The following SHANK2 variants were observed in gnomAD, a reference collection of about 807,000 sequenced individuals.
SHANK2 encodes the protein SH3 and multiple ankyrin repeat domains protein 2.
Under a neutral mutation model 133.7 loss-of-function variants are expected in SHANK2, and 43 were observed. That is an observed-to-expected ratio of 0.32 (90% CI 0.25 to 0.41). SHANK2 has a LOEUF of 0.41. Among genes scored for constraint, SHANK2 ranks in the 10% least tolerant of loss-of-function variants. SHANK2 has a pLI of 1.00. For missense variants in SHANK2, 1,994 were observed against 2,235.8 expected (o/e 0.89, Z 2.18); for synonymous variants, 1,017 against 952.8 (o/e 1.07, Z -1.24).
intron 4 of SHANK2, among the ~76,000 whole-genome samples, chr11:71,118,450 C>T (rs142873531): frequency 0.021 from 3,255 of 152,254 alleles, 40 homozygotes; most frequent in African/African-American, 0.036. Context: ...GCACCTTCTT[C>T]ACAAGGCAGC....
chr11:70,919,959 A>C (rs577813151), intron 10 of SHANK2, among the ~76,000 whole-genome samples: 1 of 152,272 alleles, frequency 6.6e-6, no homozygotes, highest in South Asian at 2.1e-4. Context: ...GCAGCTTCCA[A>C]AGCTGCAGAG....
chr11:70,748,356 T>C (rs1369725542), intron 14 of SHANK2, among the ~76,000 whole-genome samples: 1 of 151,796 alleles, frequency 6.6e-6, no homozygotes, highest in East Asian at 1.9e-4. Flanking sequence ...TTGGCAAGAG[T>C]GAGGAAGTCA....
At chr11:70,763,741 T>C (rs1363938591) in intron 14 of SHANK2, among the ~76,000 whole-genome samples, 4 of 152,070 alleles carry the variant, frequency 2.6e-5, no homozygotes, top group Admixed American at 6.5e-5. Context: ...CAGAATGCAT[T>C]TGACAGGAGG....
At chr11:70,903,835 C>T (rs533565733) in intron 10 of SHANK2, among the ~76,000 whole-genome samples, 11 of 152,198 alleles carry the variant, frequency 7.2e-5, no homozygotes, top group Non-Finnish European at 1.6e-4. Flanking sequence ...AGATGCAAAG[C>T]CCCGCAAAGC....
At position 70,542,880 on chromosome 11, in the gene SHANK2, G is replaced by A. The variant is rs191396279; in HGVS notation, c.2062-39949C>T. ...GAAGAGAGGCAGGAAATGTTCCCAG[G>A]GGATTTCTCTAGTATCTCAAGGGCT... On this transcript the variant is annotated intron_variant, in intron 17 of 25. Transcript: ENST00000601538. Among the ~76,000 whole-genome samples, 118 of 152,306 alleles carry A rather than the reference G, an allele frequency of 7.7e-4. 2 individuals are homozygous for A. The highest frequency in any genetic ancestry group is 2.7e-3 in the Admixed American group (41 of 15,302).
chr11:70,572,254 G>C (rs2060054876), intron 17 of SHANK2, among the ~76,000 whole-genome samples: 1 of 152,212 alleles, frequency 6.6e-6, no homozygotes, highest in Admixed American at 6.5e-5. Flanking sequence ...CCACCTCCCA[G>C]GTTCAAGGGA....
intron 10 of SHANK2, among the ~76,000 whole-genome samples, chr11:70,934,542 G>A (rs921516787): frequency 6.6e-6 from 1 of 152,194 alleles, no homozygotes; most frequent in African/African-American, 2.4e-5. Flanking sequence ...TCCCCAGGAA[G>A]GCCACTGGGT....
rs554544174 is a variant in SHANK2 at position 70,547,329 on chromosome 11, C to T, written c.2062-44398G>A. The stretch of plus-strand genomic sequence containing the variant: ...AGGCTGGAGTGCAGTGGTACAATAT[C>T]GGCTCACTGCAACCTCCACCTCTTG... On this transcript the variant is annotated intron_variant, in intron 17 of 25. Transcript: ENST00000601538. 3.0e-4 allele frequency among the ~76,000 whole-genome samples: 46 copies of T among 152,222 alleles called. No homozygotes were observed. The South Asian group carries it at 7.9e-3, about 26-fold the overall frequency.
At chr11:71,233,886 A>C (rs1954785795) in intron 1 of SHANK2, among the ~76,000 whole-genome samples, 1 of 151,854 alleles carries the variant, frequency 6.6e-6, no homozygotes, top group Admixed American at 6.6e-5. Flanking sequence ...ATCTCTACTA[A>C]AAGTACAAAA....
At chr11:70,514,962 C>T (rs1554969753) in intron 17 of SHANK2, among the ~76,000 whole-genome samples, 1 of 152,198 alleles carries the variant, frequency 6.6e-6, no homozygotes, top group African/African-American at 2.4e-5. Context: ...TGTCCGTACA[C>T]TTTCAATACA....
Position 70,502,789 on chromosome 11 carries a change from C to A in SHANK2, c.2197+7G>T. ...CAGGCTGGAGCTGGGCGATGTGGGG[C>A]ATGTACCTTTCTTCCTGGCGGTGTC... On this transcript the variant is annotated splice_region_variant and intron_variant, in intron 18 of 25. Coordinates refer to ENST00000601538, the MANE Select transcript of SHANK2 (RefSeq NM_012309.5). 1 of 1,255,284 alleles carries A rather than the reference C, an allele frequency of 8.0e-7. No individual in the cohort carries two copies. Among genetic ancestry groups the A allele is most frequent in the East Asian group, 5.1e-5 (1 of 19,686 alleles). 77.8% of individuals were successfully genotyped at this position (1,255,284 alleles called of 1,614,324 possible). A position where few individuals can be genotyped will look rare whatever the true frequency, so the allele number is the denominator to read the frequency against.
chr11:70,936,034 C>T (rs987895289), intron 10 of SHANK2, among the ~76,000 whole-genome samples: 6 of 152,170 alleles, frequency 3.9e-5, no homozygotes, highest in Non-Finnish European at 5.9e-5. Context: ...AGGTCTCACA[C>T]GGATTGAAAT....
In SHANK2 at chr11:70,469,746, A is replaced by G. The variant is rs1403647543; in HGVS notation, c.*3123T>C. The G allele has an allele frequency of 2.6e-4, 39 of 152,666 alleles. No homozygotes were observed. Among genetic ancestry groups the G allele is most frequent in the Admixed American group, 2.5e-3 (38 of 15,284 alleles). 9.5% of individuals were successfully genotyped at this position (152,666 alleles called of 1,614,324 possible). A position where few individuals can be genotyped will look rare whatever the true frequency, so the allele number is the denominator to read the frequency against. On this transcript the variant is annotated 3_prime_UTR_variant, in exon 26 of 26. Transcript: ENST00000601538. ...TGCTTGTTCAATAACTGAGAAAAAA[A>G]TTTACCATTTTATTAACTAAAGTAT... is the stretch of plus-strand genomic sequence containing the variant.
intron 6 of SHANK2, among the ~76,000 whole-genome samples, chr11:71,098,438 C>T (rs1000154817): frequency 6.6e-6 from 1 of 152,186 alleles, no homozygotes; most frequent in African/African-American, 2.4e-5. Flanking sequence ...AAACCCAGCT[C>T]TTTCCCTGAA....
At chr11:71,138,037 C>A (rs1197044009) in intron 3 of SHANK2, among the ~76,000 whole-genome samples, 1 of 150,402 alleles carries the variant, frequency 6.6e-6, no homozygotes, top group Non-Finnish European at 1.5e-5. Flanking sequence ...ACTCCTGCAC[C>A]AGCCGCCCAG....
At position 70,598,172 on chromosome 11, in the gene SHANK2, G is replaced by A. The variant is rs142296133; in HGVS notation, c.2061+61656C>T. ...TCCCATAGAGGGGCAGATGGAGCCC[G>A]TTTGCAGCTGCAGGCGATGGGGCGG... On this transcript the variant is annotated intron_variant, in intron 17 of 25. Transcript: ENST00000601538. Among the ~76,000 whole-genome samples, 24 of 152,290 alleles carry A rather than the reference G, an allele frequency of 1.6e-4. No homozygotes were observed. In the East Asian group the frequency reaches 4.1e-3, roughly 26 times the overall value.
rs1480632773 is a variant in SHANK2, at chr11:70,606,774, G to A, written c.2061+53054C>T. ...ACCGTCTGCTCCTTGGGCCTCAGGC[G>A]CTTCTGCAGTCCTGATTCCTGTTAC... is the stretch of plus-strand genomic sequence containing the variant. On this transcript the variant is annotated intron_variant, in intron 17 of 25. Coordinates refer to ENST00000601538, the MANE Select transcript of SHANK2 (RefSeq NM_012309.5). 2.6e-5 allele frequency among the ~76,000 whole-genome samples: 4 copies of A among 152,274 alleles called. No individual in the cohort carries two copies. The East Asian group carries it at 7.7e-4, about 29-fold the overall frequency.
At chr11:71,122,696 A>G (rs1952102780) in intron 3 of SHANK2, among the ~76,000 whole-genome samples, 1 of 152,166 alleles carries the variant, frequency 6.6e-6, no homozygotes, top group Non-Finnish European at 1.5e-5. Context: ...ACACGGGGAG[A>G]CGACCACGTG....
chr11:70,644,018 G>T (rs2061225506), intron 17 of SHANK2, among the ~76,000 whole-genome samples: 1 of 152,176 alleles, frequency 6.6e-6, no homozygotes, highest in Admixed American at 6.5e-5. Context: ...GTACGTGGCG[G>T]CGAGCAGGGG....
Sources: allele counts gnomAD v4.1 joint callset (sites outside exome capture counted in the v4.1 genomes callset), GRCh38; gene constraint gnomAD v4.1.1; transcripts MANE v1.5; gene names NCBI Gene and HGNC (gene_info 2026-07-23, HGNC 2026-07-21).